AGK: variants seen among roughly 807,000 people sequenced by gnomAD.
AGK encodes acylglycerol kinase, mitochondrial.
A neutral mutation model predicts 66.4 loss-of-function variants in AGK; 52 were observed. That is an observed-to-expected ratio of 0.78 (90% CI 0.63 to 0.99). The LOEUF (loss-of-function observed/expected upper bound fraction) is 0.99, where lower values mean the gene tolerates loss of function less well. AGK is among the 50% of genes least tolerant of loss of function. The pLI, the probability that AGK is intolerant of heterozygous loss-of-function variation, is 0.00. For synonymous variants in AGK, 182 were observed against 181.1 expected, an observed-to-expected ratio of 1.00 and a Z score of -0.04; for missense variants, 451 against 506.6, an observed-to-expected ratio of 0.89 and a Z score of 1.05.
At chr7:141,578,504 A>G (rs1795803986) in intron 2 of AGK, among the ~76,000 whole-genome samples, 1 of 151,780 alleles carries the variant, frequency 6.6e-6, no homozygotes, top group South Asian at 2.1e-4. Flanking sequence ...AATAAGAAAA[A>G]TAACATAAAA....
intron 7 of AGK, 85 bp from the exon 8 acceptor site, chr7:141,615,386 G>A: frequency 9.5e-7 from 1 of 1,053,074 alleles, no homozygotes; most frequent in Non-Finnish European, 1.4e-6. Context: ...TCAGTTATTT[G>A]TCATAGTGGA....
chr7:141,601,548 GT>G lies in AGK; in HGVS notation c.297+270del, dbSNP rs1250656877. 1.2e-3 allele frequency among the ~76,000 whole-genome samples: 189 copies of G among 152,296 alleles called. 2 individuals carry two copies. The highest frequency in any genetic ancestry group is 4.3e-3 in the African/African-American group (180 of 41,568). On this transcript the variant is annotated intron_variant, in intron 5 of 15. Transcript: ENST00000649286. ...GAATTACATCTCTTGGAAGATGAAA[GT>G]TGTTATAGCTGTAAGAATTCTTTTC...
intron 9 of AGK, among the ~76,000 whole-genome samples, chr7:141,632,163 A>T (rs1037452359): frequency 1.7e-4 from 26 of 151,886 alleles, no homozygotes; most frequent in African/African-American, 6.3e-4. Context: ...CCTGGGAGGC[A>T]GAGGTTGCAA....
At chr7:141,607,577 C>A (rs1469950328) in intron 5 of AGK, among the ~76,000 whole-genome samples, 1 of 151,986 alleles carries the variant, frequency 6.6e-6, no homozygotes, top group East Asian at 1.9e-4. Flanking sequence ...CTTTCTCAGG[C>A]TGTGGCTTGT....
chr7:141,586,253 T>C (rs558850948), intron 2 of AGK, among the ~76,000 whole-genome samples: 5 of 152,282 alleles, frequency 3.3e-5, no homozygotes, highest in African/African-American at 4.8e-5. Flanking sequence ...TTTGTGCGTT[T>C]GGAATTTTTT....
chr7:141,562,045 C>T, intron 2 of AGK: 1 of 456,250 alleles, frequency 2.2e-6, no homozygotes, highest in South Asian at 1.5e-5. Context: ...TGGGTACCAG[C>T]ACCTGCTGTG....
intron 2 of AGK, among the ~76,000 whole-genome samples, chr7:141,591,772 C>T (rs1370899780): frequency 6.6e-6 from 1 of 152,192 alleles, no homozygotes; most frequent in Non-Finnish European, 1.5e-5. Flanking sequence ...TTGTTAACCA[C>T]ATTGAAGTTA....
In AGK at chr7:141,615,490, C is replaced by T. The variant is rs1796684224; in HGVS notation, c.443C>T (p.Pro148Leu). The change falls in exon 8 of 16, where the codon CCC becomes CTC. Residue 148 changes from proline (P) to leucine (L), a missense_variant. Transcript: ENST00000649286. ...RTDEATFSKI[P>L]IGFIPLGETS... ...CCCCAGGCTACCTTCAGTAAGATTC[C>T]CATTGGATTTATCCCACTGGGAGAG... 1 of 1,613,532 alleles carries T rather than the reference C, an allele frequency of 6.2e-7. No individual in the cohort carries two copies. The highest frequency in any genetic ancestry group is 8.5e-7 in the Non-Finnish European group (1 of 1,179,720).
At chr7:141,587,468 A>G (rs2116910432) in intron 2 of AGK, among the ~76,000 whole-genome samples, 1 of 152,314 alleles carries the variant, frequency 6.6e-6, no homozygotes, top group East Asian at 1.9e-4. Flanking sequence ...AATTACTTAA[A>G]TAGCTGAAAA....
intron 13 of AGK, among the ~76,000 whole-genome samples, chr7:141,644,352 G>A (rs1332328904): frequency 2.6e-5 from 4 of 152,124 alleles, no homozygotes; most frequent in African/African-American, 9.7e-5. Context: ...AAAAGTATAC[G>A]ATACTGTGCC....
intron 11 of AGK, among the ~76,000 whole-genome samples, chr7:141,640,227 C>T (rs964169555): frequency 6.6e-6 from 1 of 152,190 alleles, no homozygotes; most frequent in African/African-American, 2.4e-5. Flanking sequence ...TCTCCTAATA[C>T]TGTGAACAAA....
chr7:141,589,614 G>A (rs1199374307), intron 2 of AGK, among the ~76,000 whole-genome samples: 1 of 151,422 alleles, frequency 6.6e-6, no homozygotes, highest in Non-Finnish European at 1.5e-5. Context: ...AGGCTGGAGT[G>A]CCATGACGCG....
intron 2 of AGK, among the ~76,000 whole-genome samples, chr7:141,568,535 C>T (rs1795515995): frequency 6.6e-6 from 1 of 151,992 alleles, no homozygotes; most frequent in Non-Finnish European, 1.5e-5. Flanking sequence ...CTGCTACCCA[C>T]CTCAGCCTGT....
chr7:141,629,937 A>G (rs1336065340), intron 9 of AGK, among the ~76,000 whole-genome samples: 3 of 152,244 alleles, frequency 2.0e-5, no homozygotes, highest in Non-Finnish European at 4.4e-5. Context: ...GAAGGGTTGC[A>G]CAGTTAACAA....
At chr7:141,626,792 AAATGAGAAAC>A (rs1562977818) in intron 9 of AGK, among the ~76,000 whole-genome samples, 4 of 152,376 alleles carry the variant, frequency 2.6e-5, no homozygotes, top group Admixed American at 6.5e-5. Flanking sequence ...TGAATTGGAA[AAATGAGAAAC>A]AATGGCAATC....
intron 8 of AGK, among the ~76,000 whole-genome samples, chr7:141,619,531 AATT>A (rs1275404031): frequency 1.3e-5 from 2 of 152,142 alleles, no homozygotes; most frequent in Non-Finnish European, 2.9e-5. Context: ...TATATCTAAA[AATT>A]AGCATCAAAT....
chr7:141,655,066 C>G lies in AGK; in HGVS notation c.*2142C>G, dbSNP rs1797662698. 6.6e-6 allele frequency: 1 copy of G among 152,150 alleles called. No homozygotes were observed. The highest frequency in any genetic ancestry group is 1.5e-5 in the Non-Finnish European group (1 of 68,022). 9.4% of individuals were successfully genotyped at this position (152,150 alleles called of 1,614,324 possible). On this transcript the variant is annotated 3_prime_UTR_variant, in exon 16 of 16. Coordinates refer to ENST00000649286, the MANE Select transcript of AGK (RefSeq NM_018238.4). ...TGAGAGCATTTAGCATATCGTGGTT[C>G]TGTAACAATATCAAGGACCAGTGCA... is the stretch of plus-strand genomic sequence containing the variant.
intron 2 of AGK, among the ~76,000 whole-genome samples, chr7:141,568,574 CTT>C (rs762829164): frequency 2.0e-4 from 28 of 141,630 alleles, no homozygotes; most frequent in Non-Finnish European, 1.7e-4. Context: ...TTCTTTCTTT[CTT>C]TTTTTTTTTT....
intron 8 of AGK, among the ~76,000 whole-genome samples, chr7:141,618,210 A>AT (rs1796748205): frequency 6.6e-6 from 1 of 152,208 alleles, no homozygotes. Flanking sequence ...GAGCACCCAG[A>AT]TTTTAGATGT....
Sources: gnomAD v4.1 joint callset for allele counts (sites outside exome capture counted in the v4.1 genomes callset) on GRCh38, gnomAD v4.1.1 for gene constraint, MANE v1.5 for transcripts, NCBI Gene and HGNC (gene_info 2026-07-23, HGNC 2026-07-21) for gene names.